BAK1: variants seen among roughly 807,000 people sequenced by gnomAD.
BAK1 encodes the protein bcl-2 homologous antagonist/killer.
BAK1 carries 19 observed loss-of-function variants against 24.7 expected under a neutral mutation model. The observed-to-expected ratio is 0.77, with a 90% confidence interval of 0.54 to 1.13. BAK1 has a LOEUF of 1.13. Among genes scored for constraint, BAK1 ranks in the 50% most tolerant of loss-of-function variants. BAK1 has a pLI of 0.00. For missense variants in BAK1, 194 were observed against 279.4 expected (o/e 0.69, Z 2.18); for synonymous variants, 86 against 107.3 (o/e 0.80, Z 1.23).
chr6:33,574,696 T>C (rs1371259066), intron 4 of BAK1, among the ~76,000 whole-genome samples: 1 of 152,218 alleles, frequency 6.6e-6, no homozygotes, highest in Non-Finnish European at 1.5e-5. Flanking sequence ...GTTTCAAATC[T>C]ACTCCGACAC....
Position 33,575,630 on chromosome 6 carries a change from A to C in BAK1, c.206+163T>G, listed in dbSNP as rs1762831626. Among the ~76,000 whole-genome samples, 1 of 152,040 alleles carries C rather than the reference A, an allele frequency of 6.6e-6. No individual in the cohort carries two copies. Among genetic ancestry groups the C allele is most frequent in the Non-Finnish European group, 1.5e-5 (1 of 68,002 alleles). ...GGGGCAGGCATGGGCTAAAAAGGAT[A>C]CAAGGTCCTGGATGGGGGTGGGAGC... On this transcript the variant is annotated intron_variant, in intron 3 of 5. Transcript: ENST00000374467. This position sits in a 1 kb window ranked among gnomAD's most constrained non-coding sequence, Gnocchi z 6.3.
Position 33,573,799 on chromosome 6 carries a change from G to A in BAK1, c.*4C>T, listed in dbSNP as rs1426714534. On this transcript the variant is annotated 3_prime_UTR_variant, in exon 6 of 6. Coordinates refer to ENST00000374467, the MANE Select transcript of BAK1 (RefSeq NM_001188.4). ...ACCGGGACCCCAAAGGGCACCCTTGGGAGTCATGATTTGAAGAATCTTCGT... is the reference window on the plus strand; with the variant it reads ...ACCGGGACCCCAAAGGGCACCCTTGAGAGTCATGATTTGAAGAATCTTCGT... 1 of 1,612,744 alleles carries A rather than the reference G, an allele frequency of 6.2e-7. No individual in the cohort carries two copies. Among genetic ancestry groups the A allele is most frequent in the Non-Finnish European group, 8.5e-7 (1 of 1,178,828 alleles).
intron 4 of BAK1, among the ~76,000 whole-genome samples, chr6:33,574,900 T>C (rs987123340): frequency 2.0e-5 from 3 of 152,184 alleles, no homozygotes; most frequent in African/African-American, 7.2e-5. Flanking sequence ...TTATAGCAAG[T>C]AGGAGCCATT....
intron 1 of BAK1, among the ~76,000 whole-genome samples, chr6:33,579,701 C>G (rs1477150032): frequency 1.3e-5 from 2 of 152,198 alleles, no homozygotes; most frequent in Non-Finnish European, 2.9e-5. Flanking sequence ...TGGACCCAGT[C>G]TAGGGATGTT....
chr6:33,575,667 G>A lies in BAK1; in HGVS notation c.206+126C>T. On this transcript the variant is annotated intron_variant, in intron 3 of 5. Transcript: ENST00000374467. The surrounding 1 kb of genome is among the most constrained non-coding windows in gnomAD (Gnocchi z 6.3). Reference sequence around the variant, plus strand: ...ATGGGGGTGGGAGCCCAACATAAAAGAGGAGCAACCATGAGAGAAGGGCAA... The same window carrying A: ...ATGGGGGTGGGAGCCCAACATAAAAAAGGAGCAACCATGAGAGAAGGGCAA... The A allele has an allele frequency of 6.9e-7, 1 of 1,452,230 alleles. No homozygotes were observed. Among genetic ancestry groups the A allele is most frequent in the South Asian group, 1.3e-5 (1 of 75,840 alleles). 90.0% of individuals were successfully genotyped at this position (1,452,230 alleles called of 1,614,324 possible).
chr6:33,573,458 C>T lies in BAK1; in HGVS notation c.*345G>A, dbSNP rs1387111089. 6 of 302,714 alleles carry T rather than the reference C, an allele frequency of 2.0e-5. No individual in the cohort carries two copies. The highest frequency in any genetic ancestry group is 3.7e-5 in the Non-Finnish European group (6 of 161,462). The allele number at this position is 302,714 out of a possible 1,614,324, so 18.8% of individuals were successfully genotyped here. ...CAAGGGTATTATAAAAAGCTAAAAC[C>T]GTTAAACACTTTCTGGGGAGAAGTG... On this transcript the variant is annotated 3_prime_UTR_variant, in exon 6 of 6. Coordinates refer to ENST00000374467, the MANE Select transcript of BAK1 (RefSeq NM_001188.4).
At chr6:33,579,879 G>A (rs536576983) in intron 1 of BAK1, 146 bp downstream of exon 1, 21 of 152,498 alleles carry the variant, frequency 1.4e-4, no homozygotes, top group African/African-American at 4.3e-4. Context: ...GGCATGGCAG[G>A]ATCAGGTCCC....
In BAK1 at chr6:33,577,528, C is replaced by A. The variant is rs200108196; in HGVS notation, c.70+7G>T. On this transcript the variant is annotated splice_region_variant and intron_variant, in intron 2 of 5. Transcript: ENST00000374467. The surrounding 1 kb of genome is among the most constrained non-coding windows in gnomAD (Gnocchi z 4.6). The stretch of plus-strand genomic sequence containing the variant: ...TGGGATGGGTGAGGGGGCAGGAAGA[C>A]CCTTACCAGAAGCAGAGGGCAGGGC... The A allele has an allele frequency of 2.3e-4, 349 of 1,545,202 alleles. 2 individuals carry two copies. In the East Asian group the frequency reaches 6.8e-3, roughly 30 times the overall value.
chr6:33,577,928 T>G lies in BAK1; in HGVS notation c.-31-293A>C, dbSNP rs1762873998. Among the ~76,000 whole-genome samples the G allele has an allele frequency of 1.3e-5, 2 of 152,112 alleles. No homozygotes were observed. The highest frequency in any genetic ancestry group is 4.8e-5 in the African/African-American group (2 of 41,430). On this transcript the variant is annotated intron_variant, in intron 1 of 5. Transcript: ENST00000374467. The surrounding 1 kb of genome is among the most constrained non-coding windows in gnomAD (Gnocchi z 4.6). ...TGAAGTCTGCTGGGAGGAAACAACTTACTGAACACTCCCTCTTTGAGGGAG... is the reference window on the plus strand; with the variant it reads ...TGAAGTCTGCTGGGAGGAAACAACTGACTGAACACTCCCTCTTTGAGGGAG...
At position 33,574,224 on chromosome 6, in the gene BAK1, G is replaced by C. The variant is rs752584771; in HGVS notation, c.351-10C>G. Reference sequence around the variant, plus strand: ...GCCACTCTCAAACAGGCTGTGGGCAGAGCATCCCATAGCATTGGTGGAGAG... The same window carrying C: ...GCCACTCTCAAACAGGCTGTGGGCACAGCATCCCATAGCATTGGTGGAGAG... On this transcript the variant is annotated splice_polypyrimidine_tract_variant and intron_variant, in intron 4 of 5. Transcript: ENST00000374467. The C allele has an allele frequency of 1.3e-5, 21 of 1,611,332 alleles. No homozygotes were observed. The South Asian group carries it at 2.3e-4, about 18-fold the overall frequency.
In BAK1 at chr6:33,577,267, C is replaced by T. The variant is rs1762863080; in HGVS notation, c.70+268G>A. Among the ~76,000 whole-genome samples the T allele has an allele frequency of 6.6e-6, 1 of 152,186 alleles. No homozygotes were observed. The highest frequency in any genetic ancestry group is 2.4e-5 in the African/African-American group (1 of 41,450). On this transcript the variant is annotated intron_variant, in intron 2 of 5. Transcript: ENST00000374467. The surrounding 1 kb of genome is among the most constrained non-coding windows in gnomAD (Gnocchi z 4.6). Reference sequence around the variant, plus strand: ...AATTCCTGCCTCCCTCGCCCGTGACCCAGCCCTCTGCCCCGGTGGCACTGT... The same window carrying T: ...AATTCCTGCCTCCCTCGCCCGTGACTCAGCCCTCTGCCCCGGTGGCACTGT...
rs1762786752 is a variant in BAK1, at chr6:33,572,960, C to T, written c.*843G>A. On this transcript the variant is annotated 3_prime_UTR_variant, in exon 6 of 6. Coordinates refer to ENST00000374467, the MANE Select transcript of BAK1 (RefSeq NM_001188.4). ...GCCCTGTAGTCTGGGCAAGGAGGAG[C>T]CTTAGCAGGCCACTCACCCAAGGCC... 1 of 152,302 alleles carries T rather than the reference C, an allele frequency of 6.6e-6. No homozygotes were observed. The highest frequency in any genetic ancestry group is 1.5e-5 in the Non-Finnish European group (1 of 67,978). The allele number at this position is 152,302 out of a possible 1,614,324, so 9.4% of individuals were successfully genotyped here. A position where few individuals can be genotyped will look rare whatever the true frequency, so the allele number is the denominator to read the frequency against.
chr6:33,578,033 G>A lies in BAK1; in HGVS notation c.-31-398C>T, dbSNP rs1401471485. 3.3e-5 allele frequency among the ~76,000 whole-genome samples: 5 copies of A among 152,186 alleles called. No individual in the cohort carries two copies. The South Asian group carries it at 8.3e-4, about 25-fold the overall frequency. On this transcript the variant is annotated intron_variant, in intron 1 of 5. Transcript: ENST00000374467. The surrounding 1 kb of genome is among the most constrained non-coding windows in gnomAD (Gnocchi z 4.8). ...GGAGGGTGTGGCTGCAGCAGTGCCC[G>A]CTGGCTCTCAAGTTCATGCCACTCC... is the stretch of plus-strand genomic sequence containing the variant.
Position 33,577,589 on chromosome 6 carries a change from C to G in BAK1, c.16G>C (p.Gly6Arg), listed in dbSNP as rs1686292915. 1 of 1,549,482 alleles carries G rather than the reference C, an allele frequency of 6.5e-7. No homozygotes were observed. The highest frequency in any genetic ancestry group is 1.4e-5 in the African/African-American group (1 of 73,022). Residue 6 changes from glycine to arginine, a missense_variant, in exon 2 of 6, where the codon GGC becomes CGC. Physicochemically the swap from Gly to Arg is moderately radical, Grantham distance 125 (BLOSUM62 -2). Transcript: ENST00000374467. This position sits in a 1 kb window ranked among gnomAD's most constrained non-coding sequence, Gnocchi z 4.6. MASGQ[G>R]PGPPRQECGE... ...CACTCCTGCCTGGGAGGACCTGGGC[C>G]TTGCCCCGAAGCCATTTTTCAGGTC...
At position 33,575,688 on chromosome 6, in the gene BAK1, G is replaced by A. The variant is rs1762833048; in HGVS notation, c.206+105C>T. ...AAAAGAGGAGCAACCATGAGAGAAG[G>A]GCAAGACCCCCGAGGCCTCCCCAGC... On this transcript the variant is annotated intron_variant, in intron 3 of 5. Transcript: ENST00000374467. The surrounding 1 kb of genome is among the most constrained non-coding windows in gnomAD (Gnocchi z 6.3). The A allele has an allele frequency of 6.6e-6, 10 of 1,506,266 alleles. No homozygotes were observed. The highest frequency in any genetic ancestry group is 8.9e-6 in the Non-Finnish European group (10 of 1,119,312). 93.3% of individuals were successfully genotyped at this position (1,506,266 alleles called of 1,614,324 possible). A position where few individuals can be genotyped will look rare whatever the true frequency, so the allele number is the denominator to read the frequency against.
In BAK1 at chr6:33,578,688, G is replaced by A. The variant is rs751419520; in HGVS notation, c.-31-1053C>T. Among the ~76,000 whole-genome samples, 17 of 152,204 alleles carry A rather than the reference G, an allele frequency of 1.1e-4. No individual in the cohort carries two copies. Among genetic ancestry groups the A allele is most frequent in the Non-Finnish European group, 2.1e-4 (14 of 68,006 alleles). On this transcript the variant is annotated intron_variant, in intron 1 of 5. Coordinates refer to ENST00000374467, the MANE Select transcript of BAK1 (RefSeq NM_001188.4). This position sits in a 1 kb window ranked among gnomAD's most constrained non-coding sequence, Gnocchi z 4.8. ...TTTTCCTCTTTGCCTGGTCCTGACC[G>A]CAGCCCCAACCTGCTGTGACCCCTC... is the stretch of plus-strand genomic sequence containing the variant.
At chr6:33,576,672 C>T (rs186202208) in intron 2 of BAK1, among the ~76,000 whole-genome samples, 6 of 128,936 alleles carry the variant, frequency 4.7e-5, no homozygotes, top group Non-Finnish European at 8.5e-5. Context: ...ACAAAAAAAA[C>T]AAAAAAAAAA....
chr6:33,574,303 A>T, intron 4 of BAK1, 89 bp from the exon 5 acceptor site: 1 of 1,515,848 alleles, frequency 6.6e-7, no homozygotes, highest in Non-Finnish European at 9.0e-7. Context: ...TCCCAGCTGG[A>T]AGCTAAATAG....
rs551302712 is a variant in BAK1, at chr6:33,577,835, T to G, written c.-31-200A>C. Among the ~76,000 whole-genome samples, 18 of 152,292 alleles carry G rather than the reference T, an allele frequency of 1.2e-4. No homozygotes were observed. The highest frequency in any genetic ancestry group is 4.3e-4 in the African/African-American group (18 of 41,576). On this transcript the variant is annotated intron_variant, in intron 1 of 5. Transcript: ENST00000374467. This position sits in a 1 kb window ranked among gnomAD's most constrained non-coding sequence, Gnocchi z 4.6. ...CCTCGGCCATCCACAGTGCTGGGAT[T>G]ACAGGTGTGAGCCACCGTGCCTGGC...
Sources: allele counts gnomAD v4.1 joint callset (sites outside exome capture counted in the v4.1 genomes callset), GRCh38; gene constraint gnomAD v4.1.1; non-coding constraint Gnocchi (gnomAD v3.1); transcripts MANE v1.5; gene names NCBI Gene and HGNC (gene_info 2026-07-23, HGNC 2026-07-21).